The following FMN1 variants were observed in gnomAD, a reference collection of about 807,000 sequenced individuals.
The protein encoded by FMN1 is formin-1.
In FMN1, 110 loss-of-function variants were observed where a neutral mutation model predicts 132.4. The ratio of observed to expected loss-of-function variants is 0.83; its 90% CI spans 0.71 to 0.97. The LOEUF (loss-of-function observed/expected upper bound fraction) is 0.97. Ranked by LOEUF, FMN1 falls within the 50% of genes least tolerant of loss-of-function variation. The pLI, the probability that FMN1 is intolerant of heterozygous loss-of-function variation, is 0.00. For missense variants in FMN1, 1,792 were observed against 1,705.3 expected (o/e 1.05, Z -0.90); for synonymous variants, 722 against 651.7 (o/e 1.11, Z -1.64).
intron 19 of FMN1, among the ~76,000 whole-genome samples, chr15:32,795,857 A>C (rs565365489): frequency 6.4e-4 from 98 of 152,294 alleles, no homozygotes; most frequent in East Asian, 5.8e-3. Flanking sequence ...ATGCCAAGGA[A>C]AATTGAAAGC....
chr15:32,789,824 A>G (rs1021300819), intron 19 of FMN1, among the ~76,000 whole-genome samples: 2 of 152,216 alleles, frequency 1.3e-5, no homozygotes, highest in Non-Finnish European at 2.9e-5. Flanking sequence ...CTGTGTTTAG[A>G]TATGTTTAGA....
At chr15:32,932,833 G>A (rs187618283) in intron 9 of FMN1, among the ~76,000 whole-genome samples, 5 of 152,080 alleles carry the variant, frequency 3.3e-5, no homozygotes, top group East Asian at 1.9e-4. Context: ...CTGTGGCATC[G>A]GTTGTAATGT....
intron 4 of FMN1, among the ~76,000 whole-genome samples, chr15:33,151,629 A>T (rs752103888): frequency 3.9e-5 from 6 of 152,222 alleles, no homozygotes; most frequent in Non-Finnish European, 8.8e-5. Context: ...AATGTATTTA[A>T]TGCACAGTTT....
intron 5 of FMN1, among the ~76,000 whole-genome samples, chr15:33,088,284 G>A (rs190295050): frequency 6.6e-6 from 1 of 152,304 alleles, no homozygotes; most frequent in African/African-American, 2.4e-5. Flanking sequence ...AAAGAGAAGG[G>A]AGGTGGTTAT....
intron 19 of FMN1, among the ~76,000 whole-genome samples, chr15:32,783,292 T>C (rs1490458185): frequency 6.6e-6 from 1 of 152,230 alleles, no homozygotes; most frequent in Non-Finnish European, 1.5e-5. Context: ...ACTTTATCTT[T>C]TCCTCTTTCT....
intron 14 of FMN1, 34 bp from the exon 15 acceptor site, chr15:32,898,927 T>C (rs761815779): frequency 1.4e-6 from 2 of 1,385,006 alleles, no homozygotes; most frequent in Admixed American, 1.7e-5. Flanking sequence ...ATGAAAATCA[T>C]TCCCATGAGA....
At chr15:32,848,617 A>C (rs570257983) in intron 17 of FMN1, among the ~76,000 whole-genome samples, 1 of 152,226 alleles carries the variant, frequency 6.6e-6, no homozygotes. Context: ...TTCTAGGTTC[A>C]GGTGGCTAAG....
chr15:33,009,817 T>C (rs894118209), intron 6 of FMN1, among the ~76,000 whole-genome samples: 4 of 152,206 alleles, frequency 2.6e-5, no homozygotes, highest in South Asian at 2.1e-4. Flanking sequence ...AAACAAATGA[T>C]AGTATGTCCA....
chr15:32,999,102 A>G (rs1189365588), intron 7 of FMN1, among the ~76,000 whole-genome samples: 2 of 152,228 alleles, frequency 1.3e-5, no homozygotes, highest in African/African-American at 2.4e-5. Flanking sequence ...CCTTTTTGGC[A>G]TCTCAGTAAT....
intron 9 of FMN1, among the ~76,000 whole-genome samples, chr15:32,942,859 T>TG (rs1489981519): frequency 6.6e-6 from 1 of 152,172 alleles, no homozygotes; most frequent in Non-Finnish European, 1.5e-5. Context: ...ACTAAGGGCA[T>TG]GTGAAAGTTG....
chr15:33,071,625 A>G (rs2038004000), intron 5 of FMN1, among the ~76,000 whole-genome samples: 1 of 152,180 alleles, frequency 6.6e-6, no homozygotes, highest in Non-Finnish European at 1.5e-5. Context: ...CTAGACCTGA[A>G]ACAATTTTGA....
At chr15:32,979,710 C>T (rs1362024363) in intron 7 of FMN1, among the ~76,000 whole-genome samples, 1 of 150,362 alleles carries the variant, frequency 6.7e-6, no homozygotes, top group Non-Finnish European at 1.5e-5. Flanking sequence ...TATTATTATT[C>T]AGACATAACT....
intron 19 of FMN1, among the ~76,000 whole-genome samples, chr15:32,783,671 GTC>G (rs1263361540): frequency 0.012 from 1,727 of 146,630 alleles, 34 homozygotes; most frequent in African/African-American, 0.041. Context: ...TGAACCCGGG[GTC>G]GGGGGAGCTT....
chr15:33,051,380 G>A (rs1470421912), intron 6 of FMN1, among the ~76,000 whole-genome samples: 1 of 152,170 alleles, frequency 6.6e-6, no homozygotes, highest in Admixed American at 6.5e-5. Context: ...CAACTTTCTA[G>A]TCCTGGTTCT....
At chr15:32,877,721 C>G (rs539790712) in intron 16 of FMN1, among the ~76,000 whole-genome samples, 2 of 152,292 alleles carry the variant, frequency 1.3e-5, no homozygotes, top group African/African-American at 4.8e-5. Flanking sequence ...GTTTTCTCTT[C>G]AGACAGCTTT....
At chr15:32,986,008 A>C (rs1407945750) in intron 7 of FMN1, among the ~76,000 whole-genome samples, 1 of 152,160 alleles carries the variant, frequency 6.6e-6, no homozygotes, top group East Asian at 1.9e-4. Context: ...AGAGACAACA[A>C]GATGATGGGA....
chr15:32,992,587 A>T (rs751366862), intron 7 of FMN1, among the ~76,000 whole-genome samples: 5 of 152,220 alleles, frequency 3.3e-5, no homozygotes, highest in Non-Finnish European at 7.3e-5. Flanking sequence ...GGAGAAATAA[A>T]GAAAATGTTC....
At chr15:32,796,651 T>C (rs2057300317) in intron 19 of FMN1, among the ~76,000 whole-genome samples, 1 of 152,234 alleles carries the variant, frequency 6.6e-6, no homozygotes, top group South Asian at 2.1e-4. Flanking sequence ...TATTTTACCA[T>C]AATGAATGTG....
At chr15:33,134,542 C>CA (rs1963681817) in intron 4 of FMN1, among the ~76,000 whole-genome samples, 1 of 152,196 alleles carries the variant, frequency 6.6e-6, no homozygotes, top group Non-Finnish European at 1.5e-5. Context: ...ATCCGCTAGA[C>CA]ATTAGGGGAA....
Sources: allele counts gnomAD v4.1 joint callset (sites outside exome capture counted in the v4.1 genomes callset), GRCh38; gene constraint gnomAD v4.1.1; transcripts MANE v1.5; gene names NCBI Gene and HGNC (gene_info 2026-07-23, HGNC 2026-07-21).